Variants in GRK5 observed in about 807,000 individuals in gnomAD.
The protein encoded by GRK5 is G protein-coupled receptor kinase 5, also known as g protein-coupled receptor kinase GRK5.
GRK5 carries 40 observed loss-of-function variants against 78.4 expected under a neutral mutation model. That is an observed-to-expected ratio of 0.51 (90% confidence interval 0.40 to 0.66). The LOEUF is 0.66. GRK5 is among the 30% of genes least tolerant of loss of function. GRK5 has a pLI of 0.00. For synonymous variants in GRK5, 289 were observed against 296.8 expected (o/e 0.97, Z 0.27); for missense variants, 598 against 759.9 (o/e 0.79, Z 2.50).
In GRK5 at chr10:119,267,243, C is replaced by CA. The variant is rs1199373011; in HGVS notation, c.53-59261dup. On this transcript the variant is annotated intron_variant, in intron 1 of 15. Transcript: ENST00000392870. This position sits in a 1 kb window ranked among gnomAD's most constrained non-coding sequence, Gnocchi z 4.1. Reference sequence around the variant, plus strand: ...GGGCAACAAGAGCGAAACTCTGTCTCAAAAAAAAAAAATTCTTTTTGCAGT... The same window carrying CA: ...GGGCAACAAGAGCGAAACTCTGTCTCAAAAAAAAAAAAATTCTTTTTGCAGT... 2.4e-3 allele frequency among the ~76,000 whole-genome samples: 355 copies of CA among 145,798 alleles called. 1 individual carries two copies. Among genetic ancestry groups the CA allele is most frequent in the African/African-American group, 8.3e-3 (330 of 39,998 alleles).
At chr10:119,308,625 G>A (rs1402989072) in intron 1 of GRK5, among the ~76,000 whole-genome samples, 15 of 152,236 alleles carry the variant, frequency 9.9e-5, no homozygotes, top group Admixed American at 7.2e-4. Flanking sequence ...CGGTCAGCCC[G>A]CGTCTTCGTA....
At chr10:119,237,915 CAAGA>C (rs1848958691) in intron 1 of GRK5, among the ~76,000 whole-genome samples, 1 of 151,976 alleles carries the variant, frequency 6.6e-6, no homozygotes, top group Non-Finnish European at 1.5e-5. Context: ...GTCTGTCTGT[CAAGA>C]GAGAGAGGGA....
intron 2 of GRK5, among the ~76,000 whole-genome samples, chr10:119,363,673 T>C (rs1385220183): frequency 6.6e-6 from 1 of 152,196 alleles, no homozygotes; most frequent in Non-Finnish European, 1.5e-5. Context: ...CCACTGTGTT[T>C]ACATTCTAGC....
intron 1 of GRK5, among the ~76,000 whole-genome samples, chr10:119,228,353 C>T (rs544158919): frequency 7.0e-6 from 1 of 142,970 alleles, no homozygotes; most frequent in Non-Finnish European, 1.5e-5. Flanking sequence ...TCAAAAAAAA[C>T]AAAACAAAAC....
At chr10:119,427,518 G>A (rs1852718120) in intron 6 of GRK5, among the ~76,000 whole-genome samples, 1 of 150,678 alleles carries the variant, frequency 6.6e-6, no homozygotes, top group East Asian at 2.0e-4. Context: ...GCCATCAGCA[G>A]CATCACCGCC....
intron 3 of GRK5, among the ~76,000 whole-genome samples, chr10:119,394,853 A>AGCCCTATAAAATGAGGGGTGGGATTC (rs1554916519): frequency 2.7e-5 from 4 of 148,274 alleles, no homozygotes; most frequent in South Asian, 2.1e-4. Context: ...GTGTGTGTGC[A>AGCCCTATAAAATGAGGGGTGGGATTC]CACATGTGCA....
At position 119,233,614 on chromosome 10, in the gene GRK5, C is replaced by T. The variant is rs184517492; in HGVS notation, c.52+25645C>T. ...CCCCCTGGTTTCCTGTTTGGGTGAACGTGTGACTTGCCACTTACAGTCAAA... is the reference window on the plus strand; with the variant it reads ...CCCCCTGGTTTCCTGTTTGGGTGAATGTGTGACTTGCCACTTACAGTCAAA... On this transcript the variant is annotated intron_variant, in intron 1 of 15. Coordinates refer to ENST00000392870, the MANE Select transcript of GRK5 (RefSeq NM_005308.3). Among the ~76,000 whole-genome samples the T allele has an allele frequency of 1.2e-3, 180 of 152,180 alleles. 1 individual carries two copies. The highest frequency in any genetic ancestry group is 2.1e-3 in the South Asian group (10 of 4,818).
Position 119,457,233 on chromosome 10 carries a change from T to C in GRK5, c.*2166T>C, listed in dbSNP as rs1004926022. The C allele has an allele frequency of 2.6e-5, 4 of 152,310 alleles. 1 individual carries two copies. The South Asian group carries it at 8.3e-4, about 32-fold the overall frequency. The allele number at this position is 152,310 out of a possible 1,614,324, so 9.4% of individuals were successfully genotyped here. ...CCAGCCACCCATCCAGGAGGTTGGT[T>C]CCTTTTGCCCAGTTCATAGCAGCTC... On this transcript the variant is annotated 3_prime_UTR_variant, in exon 16 of 16. Transcript: ENST00000392870.
At chr10:119,278,363 G>A (rs979188046) in intron 1 of GRK5, among the ~76,000 whole-genome samples, 2 of 152,026 alleles carry the variant, frequency 1.3e-5, no homozygotes, top group East Asian at 3.9e-4. Flanking sequence ...CTCCATAACT[G>A]CCTTCGGGAA....
intron 3 of GRK5, among the ~76,000 whole-genome samples, chr10:119,382,217 C>CTGCCTTGGGCTTAGGGGAGGCTT (rs1265298209): frequency 6.6e-6 from 1 of 152,156 alleles, no homozygotes; most frequent in Non-Finnish European, 1.5e-5. Flanking sequence ...AGGGGAGGCT[C>CTGCCTTGGGCTTAGGGGAGGCTT]TGCCTTGGGC....
intron 1 of GRK5, among the ~76,000 whole-genome samples, chr10:119,225,525 C>T (rs1848720638): frequency 6.6e-6 from 1 of 152,082 alleles, no homozygotes; most frequent in Admixed American, 6.5e-5. Flanking sequence ...ATCAAGCACT[C>T]TTCTGGGCTC....
At chr10:119,302,455 C>T (rs1850199361) in intron 1 of GRK5, among the ~76,000 whole-genome samples, 1 of 152,174 alleles carries the variant, frequency 6.6e-6, no homozygotes. Flanking sequence ...AACCTTGGGG[C>T]TCACTGGAGC....
intron 2 of GRK5, 101 bp from the exon 3 acceptor site, chr10:119,380,714 C>T (rs577518123): frequency 5.9e-6 from 4 of 678,760 alleles, no homozygotes; most frequent in East Asian, 2.5e-5. Context: ...AGTCACCTTC[C>T]TCCATCCATC....
In GRK5 at chr10:119,459,681, C is replaced by T. The variant is rs547476168; in HGVS notation, c.*4614C>T. ...TGTTCCGTCTATCGCGTCACAGTGC[C>T]GCTGGATCTAGATGGAGCCACTGTT... is the stretch of plus-strand genomic sequence containing the variant. On this transcript the variant is annotated 3_prime_UTR_variant, in exon 16 of 16. Transcript: ENST00000392870. 1.3e-5 allele frequency: 2 copies of T among 152,288 alleles called. No individual in the cohort carries two copies. Among genetic ancestry groups the T allele is most frequent in the African/African-American group, 2.4e-5 (1 of 41,572 alleles). The allele number at this position is 152,288 out of a possible 1,614,324, so 9.4% of individuals were successfully genotyped here. A position where few individuals can be genotyped will look rare whatever the true frequency, so the allele number is the denominator to read the frequency against.
chr10:119,241,249 G>A (rs940524108), intron 1 of GRK5, among the ~76,000 whole-genome samples: 1 of 152,102 alleles, frequency 6.6e-6, no homozygotes, highest in African/African-American at 2.4e-5. Context: ...AAGAGCAAAG[G>A]CCACGTGAGG....
chr10:119,418,903 CT>C (rs1852516074), intron 4 of GRK5, among the ~76,000 whole-genome samples: 2 of 152,148 alleles, frequency 1.3e-5, no homozygotes, highest in Non-Finnish European at 2.9e-5. Context: ...CCTTGAGGCC[CT>C]CACGCTTGGA....
intron 2 of GRK5, among the ~76,000 whole-genome samples, chr10:119,345,350 C>G (rs1173854048): frequency 6.6e-6 from 1 of 152,184 alleles, no homozygotes; most frequent in Non-Finnish European, 1.5e-5. Context: ...GTTCCCAGCC[C>G]CGCAATCCAG....
chr10:119,389,998 G>A (rs1489463088), intron 3 of GRK5, among the ~76,000 whole-genome samples: 1 of 152,222 alleles, frequency 6.6e-6, no homozygotes, highest in Admixed American at 6.5e-5. Context: ...GTTAGGCTGG[G>A]ATTGTTTTCA....
In GRK5 at chr10:119,378,479, G is replaced by A. The variant is rs1324085240; in HGVS notation, c.149-2336G>A. Among the ~76,000 whole-genome samples the A allele has an allele frequency of 1.3e-5, 2 of 152,200 alleles. No individual in the cohort carries two copies. The highest frequency in any genetic ancestry group is 2.1e-4 in the South Asian group (1 of 4,832). On this transcript the variant is annotated intron_variant, in intron 2 of 15. Transcript: ENST00000392870. The surrounding 1 kb of genome is among the most constrained non-coding windows in gnomAD (Gnocchi z 4.5). The stretch of plus-strand genomic sequence containing the variant: ...TCAACATACGCTACTTAGACCGGGC[G>A]AATTCCTCCCAAAAAAACCTTGCCC...
Sources: allele counts gnomAD v4.1 joint callset (sites outside exome capture counted in the v4.1 genomes callset), GRCh38; gene constraint gnomAD v4.1.1; non-coding constraint Gnocchi (gnomAD v3.1); transcripts MANE v1.5; gene names NCBI Gene and HGNC (gene_info 2026-07-23, HGNC 2026-07-21).